The following GABPB1 variants were observed in gnomAD, a reference collection of about 807,000 sequenced individuals.
GABPB1 encodes GA-binding protein subunit beta-1.
GABPB1 carries 15 observed loss-of-function variants against 45.9 expected under a neutral mutation model. That is an observed-to-expected ratio of 0.33 (90% CI 0.22 to 0.50). The LOEUF is 0.50. Ranked by LOEUF, GABPB1 falls within the 20% of genes least tolerant of loss-of-function variation. The pLI is 0.98. For synonymous variants in GABPB1, 143 were observed against 154.4 expected (o/e 0.93, Z 0.55); for missense variants, 252 against 457.5 (o/e 0.55, Z 4.10).
intron 1 of GABPB1, among the ~76,000 whole-genome samples, chr15:50,325,912 GT>G (rs11287439): frequency 0.5 from 71,517 of 142,754 alleles, 18,225 homozygotes; most frequent in Middle Eastern, 0.65. Context: ...GGTTTTTTTT[GT>G]TTTTTTTTTT....
At chr15:50,292,206 C>G (rs1156971550) in intron 6 of GABPB1, among the ~76,000 whole-genome samples, 2 of 146,648 alleles carry the variant, frequency 1.4e-5, no homozygotes, top group African/African-American at 5.0e-5. Context: ...CCCAGCTACT[C>G]GGGAGGCTGA....
At chr15:50,279,211 A>G (rs1334808755) in intron 8 of GABPB1, among the ~76,000 whole-genome samples, 1 of 152,224 alleles carries the variant, frequency 6.6e-6, no homozygotes. Flanking sequence ...ATGAGTAAAC[A>G]GGGTGATTTC....
At chr15:50,289,785 TAAA>T in intron 6 of GABPB1, 117 bp from the exon 7 acceptor site, 2 of 782,482 alleles carry the variant, frequency 2.6e-6, no homozygotes, top group Non-Finnish European at 4.0e-6. Context: ...TTTTCTTTTT[TAAA>T]TAGAGATAGG....
At chr15:50,302,868 G>T in intron 4 of GABPB1, 61 bp downstream of exon 4, 1 of 1,088,378 alleles carries the variant, frequency 9.2e-7, no homozygotes, top group Non-Finnish European at 1.3e-6. Context: ...CAATATAAGA[G>T]ATCCCTCTAC....
At chr15:50,287,077 G>A (rs1158530834) in intron 7 of GABPB1, among the ~76,000 whole-genome samples, 1 of 151,978 alleles carries the variant, frequency 6.6e-6, no homozygotes, top group Admixed American at 6.5e-5. Flanking sequence ...TGAGAATTTG[G>A]GTTTTACTTC....
intron 6 of GABPB1, among the ~76,000 whole-genome samples, chr15:50,290,380 C>G (rs2046307017): frequency 6.6e-6 from 1 of 152,122 alleles, no homozygotes; most frequent in African/African-American, 2.4e-5. Flanking sequence ...CACTTGAGGT[C>G]AGGAGTTCGG....
At chr15:50,337,067 A>G (rs199969686) in intron 1 of GABPB1, among the ~76,000 whole-genome samples, 8,358 of 118,086 alleles carry the variant, frequency 0.071, 1,026 homozygotes, top group African/African-American at 0.22. Context: ...TTACATGTAT[A>G]TGTGTGTGTA....
At chr15:50,330,733 C>A (rs1278955671) in intron 1 of GABPB1, among the ~76,000 whole-genome samples, 1 of 152,176 alleles carries the variant, frequency 6.6e-6, no homozygotes, top group Non-Finnish European at 1.5e-5. Flanking sequence ...AAGATGAGCT[C>A]TTAAATTTCC....
chr15:50,335,409 G>A (rs1358366339), intron 1 of GABPB1, among the ~76,000 whole-genome samples: 1 of 152,144 alleles, frequency 6.6e-6, no homozygotes, highest in Non-Finnish European at 1.5e-5. Context: ...CTGATGAACA[G>A]AAACCTAAAT....
chr15:50,295,316 A>C (rs2046474415), intron 6 of GABPB1, among the ~76,000 whole-genome samples: 1 of 152,026 alleles, frequency 6.6e-6, no homozygotes, highest in South Asian at 2.1e-4. Context: ...ACCTTGAGTG[A>C]CTCTTCCACT....
chr15:50,353,121 CATT>C (rs1215645554), intron 1 of GABPB1: 2 of 152,128 alleles, frequency 1.3e-5, no homozygotes, highest in Non-Finnish European at 2.9e-5. Context: ...TTGTGTAAAT[CATT>C]ATAAATATGT....
chr15:50,337,104 TATATATATATATATATATATATATAA>T (rs1221172674), intron 1 of GABPB1, among the ~76,000 whole-genome samples: 1 of 6,370 alleles, frequency 1.6e-4, no homozygotes, highest in Non-Finnish European at 2.6e-4. Context: ...TATATATATA[TATATATATATATATATATATATATAA>T]TATGAAGAGG....
intron 6 of GABPB1, among the ~76,000 whole-genome samples, chr15:50,290,891 G>A (rs549805448): frequency 6.6e-6 from 1 of 152,166 alleles, no homozygotes; most frequent in Non-Finnish European, 1.5e-5. Flanking sequence ...GAAATCACAA[G>A]TTAATACTGC....
chr15:50,313,014 G>C (rs892940596), intron 1 of GABPB1, among the ~76,000 whole-genome samples: 2 of 151,706 alleles, frequency 1.3e-5, no homozygotes, highest in African/African-American at 4.8e-5. Context: ...ATTTTCTATG[G>C]GTAGATAACT....
chr15:50,334,327 T>A (rs991798841), intron 1 of GABPB1, among the ~76,000 whole-genome samples: 2 of 152,024 alleles, frequency 1.3e-5, no homozygotes, highest in African/African-American at 4.8e-5. Flanking sequence ...TATCCCCATA[T>A]CTCTTACACT....
intron 3 of GABPB1, 138 bp from the exon 4 acceptor site, chr15:50,303,261 G>T (rs2046821348): frequency 2.8e-6 from 2 of 715,124 alleles, no homozygotes; most frequent in African/African-American, 1.8e-5. Context: ...TTAAATAGAT[G>T]TTCCAGGCCA....
At chr15:50,303,677 CAA>C (rs371842725) in intron 3 of GABPB1, among the ~76,000 whole-genome samples, 15 of 96,966 alleles carry the variant, frequency 1.5e-4, no homozygotes, top group Non-Finnish European at 1.9e-4. Context: ...GATTCTGTCT[CAA>C]AAAAAAAAAA....
At chr15:50,302,687 A>C (rs2046801052) in intron 4 of GABPB1, among the ~76,000 whole-genome samples, 1 of 149,810 alleles carries the variant, frequency 6.7e-6, no homozygotes, top group Non-Finnish European at 1.5e-5. Context: ...AGGGAAATTC[A>C]GAAACTTAAA....
intron 1 of GABPB1, among the ~76,000 whole-genome samples, chr15:50,313,550 T>G (rs1356098838): frequency 6.6e-6 from 1 of 152,082 alleles, no homozygotes; most frequent in Non-Finnish European, 1.5e-5. Context: ...AGATTATATA[T>G]GCATACACAT....
Sources: gnomAD v4.1 joint callset for allele counts (sites outside exome capture counted in the v4.1 genomes callset) on GRCh38, gnomAD v4.1.1 for gene constraint, MANE v1.5 for transcripts, NCBI Gene and HGNC (gene_info 2026-07-23, HGNC 2026-07-21) for gene names.